GPBP1: variants seen among roughly 807,000 people sequenced by gnomAD.
The protein encoded by GPBP1 is GC-rich promoter binding protein 1, also known as vasculin.
In GPBP1, 13 loss-of-function variants were observed where a neutral mutation model predicts 56.5. That is an observed-to-expected ratio of 0.23 (90% CI 0.15 to 0.37). GPBP1 has a LOEUF of 0.37. Among genes scored for constraint, GPBP1 ranks in the 10% least tolerant of loss-of-function variants. GPBP1 has a pLI of 1.00. For missense variants in GPBP1, 477 were observed against 572.3 expected (o/e 0.83, Z 1.70); for synonymous variants, 204 against 188.9 (o/e 1.08, Z -0.66).
At chr5:57,212,672 C>CT (rs550327781) in intron 2 of GPBP1, among the ~76,000 whole-genome samples, 7,483 of 139,678 alleles carry the variant, frequency 0.054, 252 homozygotes, top group Non-Finnish European at 0.083. Context: ...TTCTTTTTTT[C>CT]TTTTTTTTTT....
At chr5:57,229,438 A>G (rs912225932) in intron 3 of GPBP1, among the ~76,000 whole-genome samples, 12 of 151,910 alleles carry the variant, frequency 7.9e-5, no homozygotes, top group African/African-American at 2.9e-4. Context: ...TGTTTTCCCC[A>G]TTAGGTTGTC....
chr5:57,201,293 AT>A (rs543116337), intron 2 of GPBP1, among the ~76,000 whole-genome samples: 1 of 151,424 alleles, frequency 6.6e-6, no homozygotes, highest in African/African-American at 2.4e-5. Flanking sequence ...TGTGCAGCTA[AT>A]TTTTTTTTCC....
intron 2 of GPBP1, among the ~76,000 whole-genome samples, chr5:57,186,303 T>G (rs569877033): frequency 6.6e-6 from 1 of 152,060 alleles, no homozygotes; most frequent in South Asian, 2.1e-4. Context: ...GCAGGTTTGC[T>G]TGAACCCAGG....
chr5:57,187,086 TA>T (rs1442333242), intron 2 of GPBP1, among the ~76,000 whole-genome samples: 2 of 151,970 alleles, frequency 1.3e-5, no homozygotes, highest in East Asian at 3.9e-4. Context: ...TGCTAGTCCA[TA>T]AATAAAATAG....
chr5:57,263,875 T>G lies in GPBP1; in HGVS notation c.*1123T>G, dbSNP rs1215653554. 6.6e-6 allele frequency: 1 copy of G among 152,236 alleles called. No individual in the cohort carries two copies. The highest frequency in any genetic ancestry group is 1.5e-5 in the Non-Finnish European group (1 of 68,042). The allele number at this position is 152,236 out of a possible 1,614,324, so 9.4% of individuals were successfully genotyped here. On this transcript the variant is annotated 3_prime_UTR_variant, in exon 12 of 12. Coordinates refer to ENST00000506184, the MANE Select transcript of GPBP1 (RefSeq NM_022913.4). ...TTTTGGCTCTGTGTATATTTGTATTTTGATTTTTCTGGTTTGTTTACCCCC... is the reference window on the plus strand; with the variant it reads ...TTTTGGCTCTGTGTATATTTGTATTGTGATTTTTCTGGTTTGTTTACCCCC...
intron 8 of GPBP1, chr5:57,248,884 A>T (rs1459408671): frequency 6.6e-6 from 1 of 152,308 alleles, no homozygotes; most frequent in Non-Finnish European, 1.5e-5. Context: ...TCCATATGAC[A>T]CAGAGTTTTA....
chr5:57,181,564 A>G (rs769016605), intron 2 of GPBP1, among the ~76,000 whole-genome samples: 4 of 151,290 alleles, frequency 2.6e-5, no homozygotes, highest in South Asian at 2.1e-4. Flanking sequence ...ACTGGAGCCC[A>G]GGAGTTTGAA....
chr5:57,219,206 T>C (rs1755821938), intron 3 of GPBP1, among the ~76,000 whole-genome samples: 1 of 150,576 alleles, frequency 6.6e-6, no homozygotes, highest in Admixed American at 6.6e-5. Context: ...TGAAACCCCG[T>C]TTCTACTAAA....
rs143936211 is a variant in GPBP1 at position 57,262,644 on chromosome 5, C to T, written c.1314C>T (p.Ile438=). 67 of 1,613,466 alleles carry T rather than the reference C, an allele frequency of 4.2e-5. No homozygotes were observed. The highest frequency in any genetic ancestry group is 5.5e-5 in the Non-Finnish European group (65 of 1,179,626). The change falls in exon 12 of 12, where the codon ATC becomes ATT. Residue 438 remains isoleucine (I), a synonymous_variant. Coordinates refer to ENST00000506184, the MANE Select transcript of GPBP1 (RefSeq NM_022913.4). ...RKNGILKNGL[I]CDFKFGPWKN... ...ATGGTATTTTGAAAAATGGCTTGAT[C>T]TGTGACTTCAAGTTTGGACCGTGGA...
Position 57,262,889 on chromosome 5 carries a change from T to C in GPBP1, c.*137T>C. 6.0e-6 allele frequency: 4 copies of C among 671,606 alleles called. No individual in the cohort carries two copies. The highest frequency in any genetic ancestry group is 1.0e-5 in the Non-Finnish European group (4 of 398,510). The allele number at this position is 671,606 out of a possible 1,614,324, so 41.6% of individuals were successfully genotyped here. On this transcript the variant is annotated 3_prime_UTR_variant, in exon 12 of 12. Coordinates refer to ENST00000506184, the MANE Select transcript of GPBP1 (RefSeq NM_022913.4). ...GAGGATTTTTTGGGGGACTTCAATA[T>C]GAAGAAAACCAAGAATGTTTTGTTG... is the stretch of plus-strand genomic sequence containing the variant.
At chr5:57,205,582 C>CTTTTTTTTTTTTTTTT (rs56406653) in intron 2 of GPBP1, among the ~76,000 whole-genome samples, 1 of 138,204 alleles carries the variant, frequency 7.2e-6, no homozygotes, top group African/African-American at 2.6e-5. Flanking sequence ...TTTATTTCCT[C>CTTTTTTTTTTTTTTTT]TTTTTTTTTT....
chr5:57,208,655 C>CTTTTTTTTTTTTTTT (rs70999065), intron 2 of GPBP1, among the ~76,000 whole-genome samples: 1 of 119,070 alleles, frequency 8.4e-6, no homozygotes, highest in Non-Finnish European at 1.7e-5. Flanking sequence ...TTTTGTTTTT[C>CTTTTTTTTTTTTTTT]TTTTTTTTTT....
chr5:57,247,004 T>A, intron 7 of GPBP1, 71 bp from the exon 8 acceptor site: 1 of 1,397,064 alleles, frequency 7.2e-7, no homozygotes, highest in Admixed American at 2.2e-5. Context: ...TGTTTTATAA[T>A]ATTCACTGTT....
intron 2 of GPBP1, among the ~76,000 whole-genome samples, chr5:57,183,780 T>TG (rs975624165): frequency 6.6e-6 from 1 of 150,654 alleles, no homozygotes; most frequent in South Asian, 2.1e-4. Context: ...TTTTTTTTTT[T>TG]TTTGTTTTGG....
chr5:57,237,274 A>C (rs1396529572), intron 6 of GPBP1: 5 of 834,030 alleles, frequency 6.0e-6, no homozygotes, highest in African/African-American at 3.4e-5. Context: ...AATTAGGAAT[A>C]ATTTGGATTT....
intron 8 of GPBP1, among the ~76,000 whole-genome samples, chr5:57,248,435 T>G (rs1268186929): frequency 7.0e-5 from 8 of 113,706 alleles, no homozygotes; most frequent in African/African-American, 2.0e-4. Context: ...TTTTTTTTTT[T>G]TTTTTTTTTT....
At chr5:57,187,185 T>A (rs1754329621) in intron 2 of GPBP1, among the ~76,000 whole-genome samples, 1 of 152,136 alleles carries the variant, frequency 6.6e-6, no homozygotes, top group South Asian at 2.1e-4. Flanking sequence ...GGGAAATTGT[T>A]TTTGTGGGTG....
At chr5:57,182,428 A>G (rs1480132134) in intron 2 of GPBP1, among the ~76,000 whole-genome samples, 1 of 151,776 alleles carries the variant, frequency 6.6e-6, no homozygotes, top group Non-Finnish European at 1.5e-5. Flanking sequence ...GCTGGGGTGC[A>G]GTGGTGCGAT....
intron 3 of GPBP1, among the ~76,000 whole-genome samples, chr5:57,219,839 G>A (rs1226652256): frequency 1.3e-5 from 2 of 152,084 alleles, no homozygotes; most frequent in Admixed American, 1.3e-4. Context: ...GATCACCTGA[G>A]GTTGGGAGTT....
Sources: gnomAD v4.1 joint callset for allele counts (sites outside exome capture counted in the v4.1 genomes callset) on GRCh38, gnomAD v4.1.1 for gene constraint, MANE v1.5 for transcripts, NCBI Gene and HGNC (gene_info 2026-07-23, HGNC 2026-07-21) for gene names.